Variants in TOX3 observed in about 807,000 individuals in gnomAD.
TOX3 encodes the protein CAG trinucleotide repeat-containing gene F9 protein.
A neutral mutation model predicts 64.3 loss-of-function variants in TOX3; 22 were observed. That is an observed-to-expected ratio of 0.34 (90% CI 0.24 to 0.49). The LOEUF is 0.49. Ranked by LOEUF, TOX3 falls within the 20% of genes least tolerant of loss-of-function variation. TOX3 has a pLI of 0.99. For missense variants in TOX3, 661 were observed against 714.4 expected, an observed-to-expected ratio of 0.93 and a Z score of 0.85; for synonymous variants, 291 against 273.6, an observed-to-expected ratio of 1.06 and a Z score of -0.63.
chr16:52,518,806 T>G (rs1962523117), intron 1 of TOX3, among the ~76,000 whole-genome samples: 1 of 152,244 alleles, frequency 6.6e-6, no homozygotes, highest in South Asian at 2.1e-4. Flanking sequence ...TTTTCACAGA[T>G]TACAAGCCTG....
chr16:52,485,244 G>GTATATA (rs761645024), intron 1 of TOX3, among the ~76,000 whole-genome samples: 37 of 95,320 alleles, frequency 3.9e-4, no homozygotes, highest in African/African-American at 2.0e-3. Flanking sequence ...GTATGTGTGT[G>GTATATA]TGTATATATA....
intron 3 of TOX3, 101 bp from the exon 4 acceptor site, chr16:52,450,647 T>C (rs1960311547): frequency 8.3e-6 from 12 of 1,443,628 alleles, no homozygotes; most frequent in Non-Finnish European, 9.5e-6. Flanking sequence ...ACTGTTGCAA[T>C]GTTGATAGGT....
In TOX3 at chr16:52,444,355, A is replaced by G; in HGVS notation, c.908T>C (p.Val303Ala). Residue 303 changes from valine (V) to alanine (A), a missense_variant and splice_region_variant, in exon 6 of 7, where the codon GTA (valine) becomes GCA (alanine). Val to Ala is a moderately conservative substitution (Grantham distance 64). Transcript: ENST00000219746. ...WDSLGEEQKQ[V>A]YKRKTEAAKK... Reference sequence around the variant, plus strand: ...GGCAGCTTCTGTTTTCCTTTTATATACCTATTAAAAGACCACAATTAGCAC... The same window carrying G: ...GGCAGCTTCTGTTTTCCTTTTATATGCCTATTAAAAGACCACAATTAGCAC... 6.4e-7 allele frequency: 1 copy of G among 1,567,278 alleles called. No individual in the cohort carries two copies. The highest frequency in any genetic ancestry group is 8.7e-7 in the Non-Finnish European group (1 of 1,152,468).
chr16:52,470,960 C>T (rs901916805), intron 1 of TOX3, among the ~76,000 whole-genome samples: 1 of 152,142 alleles, frequency 6.6e-6, no homozygotes, highest in African/African-American at 2.4e-5. Flanking sequence ...GGTAAAACAG[C>T]CCCTCTACAA....
At chr16:52,481,143 C>T (rs1363322255) in intron 1 of TOX3, among the ~76,000 whole-genome samples, 1 of 152,148 alleles carries the variant, frequency 6.6e-6, no homozygotes, top group African/African-American at 2.4e-5. Flanking sequence ...AGAATCATTG[C>T]TTCTACACTA....
At chr16:52,504,666 G>A (rs1324515929) in intron 1 of TOX3, among the ~76,000 whole-genome samples, 1 of 152,050 alleles carries the variant, frequency 6.6e-6, no homozygotes, top group Non-Finnish European at 1.5e-5. Flanking sequence ...GGGTAACGGA[G>A]GCTTTTAGGG....
At chr16:52,537,063 ACT>A (rs1962965790) in intron 1 of TOX3, among the ~76,000 whole-genome samples, 6 of 151,302 alleles carry the variant, frequency 4.0e-5, no homozygotes. Flanking sequence ...TAGCTCTCTC[ACT>A]CTCTCTCTAA....
chr16:52,528,408 GT>G (rs564726643), intron 1 of TOX3, among the ~76,000 whole-genome samples: 1,760 of 148,478 alleles, frequency 0.012, 17 homozygotes, highest in Non-Finnish European at 0.017. Context: ...GACTTGATCT[GT>G]TTTTTTTTTC....
chr16:52,484,719 A>G (rs565955419), intron 1 of TOX3, among the ~76,000 whole-genome samples: 1 of 152,294 alleles, frequency 6.6e-6, no homozygotes, highest in Non-Finnish European at 1.5e-5. Context: ...AAATAACTAC[A>G]GATATAAGTG....
upstream of TOX3, chr16:52,547,617 C>T (rs1341268659): frequency 1.3e-5 from 2 of 152,458 alleles, no homozygotes; most frequent in Non-Finnish European, 2.9e-5. Context: ...TCGACCCCGC[C>T]TTGCCTTTCG....
At chr16:52,540,549 G>T (rs1326176982) in intron 1 of TOX3, among the ~76,000 whole-genome samples, 1 of 152,092 alleles carries the variant, frequency 6.6e-6, no homozygotes, top group Admixed American at 6.5e-5. Flanking sequence ...ATATTGGATT[G>T]GTCTAAACTG....
intron 3 of TOX3, among the ~76,000 whole-genome samples, chr16:52,453,188 CTT>C (rs11301340): frequency 3.0e-4 from 43 of 143,828 alleles, no homozygotes; most frequent in Non-Finnish European, 5.1e-4. Context: ...TTTCAGAATG[CTT>C]TTTTTTTTTT....
rs953360030 is a variant in TOX3, at chr16:52,533,452, C to T, written c.87+13185G>A. ...CCAGATAAAATAACACAAAGTCTTGCCTTGGTACTAAGCCATCTTCGACAC... is the reference window on the plus strand; with the variant it reads ...CCAGATAAAATAACACAAAGTCTTGTCTTGGTACTAAGCCATCTTCGACAC... On this transcript the variant is annotated intron_variant, in intron 1 of 6. Transcript: ENST00000219746. Among the ~76,000 whole-genome samples the T allele has an allele frequency of 4.6e-5, 7 of 152,152 alleles. No homozygotes were observed. The East Asian group carries it at 9.6e-4, about 21-fold the overall frequency.
intron 3 of TOX3, among the ~76,000 whole-genome samples, chr16:52,453,791 T>G (rs1252944014): frequency 1.3e-5 from 2 of 152,218 alleles, no homozygotes; most frequent in Non-Finnish European, 2.9e-5. Flanking sequence ...CATGTCTCCT[T>G]GGCTTTGTCA....
chr16:52,484,882 C>T (rs1961467632), intron 1 of TOX3, among the ~76,000 whole-genome samples: 1 of 152,010 alleles, frequency 6.6e-6, no homozygotes, highest in Non-Finnish European at 1.5e-5. Flanking sequence ...CCAGCAATCC[C>T]AGAACTGGGT....
intron 1 of TOX3, among the ~76,000 whole-genome samples, chr16:52,515,111 T>C (rs557778283): frequency 1.4e-5 from 2 of 147,900 alleles, no homozygotes; most frequent in Non-Finnish European, 3.0e-5. Flanking sequence ...ACCTATTTGA[T>C]ACTCAATATG....
chr16:52,530,928 T>C (rs1787264056), intron 1 of TOX3, among the ~76,000 whole-genome samples: 1 of 152,232 alleles, frequency 6.6e-6, no homozygotes, highest in Non-Finnish European at 1.5e-5. Context: ...CCTGCCATCT[T>C]GTACCTGTTT....
intron 1 of TOX3, among the ~76,000 whole-genome samples, chr16:52,508,985 T>A (rs1051660500): frequency 6.6e-6 from 1 of 152,180 alleles, no homozygotes; most frequent in Non-Finnish European, 1.5e-5. Context: ...AAAGGAACAT[T>A]AGACTATTTC....
intron 1 of TOX3, among the ~76,000 whole-genome samples, chr16:52,507,216 G>T (rs1256739398): frequency 6.6e-6 from 1 of 152,086 alleles, no homozygotes; most frequent in East Asian, 1.9e-4. Context: ...TAAAGGAGGG[G>T]GCTGTTTTGT....
Sources: allele counts gnomAD v4.1 joint callset (sites outside exome capture counted in the v4.1 genomes callset), GRCh38; gene constraint gnomAD v4.1.1; transcripts MANE v1.5; gene names NCBI Gene and HGNC (gene_info 2026-07-23, HGNC 2026-07-21).